Variants in C12orf76 observed in about 807,000 individuals in gnomAD.
C12orf76 encodes uncharacterized protein C12orf76.
C12orf76 carries 6 observed loss-of-function variants against 6.8 expected under a neutral mutation model. The ratio of observed to expected loss-of-function variants is 0.88; its 90% CI spans 0.48 to 1.73. The LOEUF is 1.73. C12orf76 is among the 40% of genes most tolerant of loss of function. The pLI is 0.01. For missense variants in C12orf76, 99 were observed against 98.2 expected (o/e 1.01, Z -0.03); for synonymous variants, 56 against 43.7 (o/e 1.28, Z -1.11).
At chr12:110,059,755 G>C (rs1436054022) in intron 2 of C12orf76, among the ~76,000 whole-genome samples, 1 of 152,226 alleles carries the variant, frequency 6.6e-6, no homozygotes, top group African/African-American at 2.4e-5. Context: ...TGGTCGCCAG[G>C]CTGAGAGCAC....
At chr12:110,069,325 A>G (rs1892933113), upstream of C12orf76, among the ~76,000 whole-genome samples, 1 of 152,200 alleles carries the variant, frequency 6.6e-6, no homozygotes, top group Non-Finnish European at 1.5e-5. Flanking sequence ...CTGTAGTCCC[A>G]GCTACCCGGG....
At chr12:110,063,131 G>C (rs1892801654) in intron 2 of C12orf76, among the ~76,000 whole-genome samples, 1 of 149,208 alleles carries the variant, frequency 6.7e-6, no homozygotes, top group African/African-American at 2.5e-5. Flanking sequence ...GTAGACACAG[G>C]GTTTCACCAT....
upstream of C12orf76, chr12:110,048,774 C>A (rs1892520531): frequency 4.2e-6 from 3 of 722,052 alleles, no homozygotes; most frequent in East Asian, 1.4e-4. Context: ...TTAGCGTTCC[C>A]TCATCCATTG....
chr12:110,044,968 C>T (rs188834123), intron 1 of C12orf76, among the ~76,000 whole-genome samples: 16 of 151,816 alleles, frequency 1.1e-4, no homozygotes, highest in Middle Eastern at 6.8e-3. Context: ...AGCGAAACTC[C>T]GTCTCAAAAT....
chr12:110,072,733 G>A (rs1032399924), intron 1 of C12orf76, among the ~76,000 whole-genome samples: 2 of 152,042 alleles, frequency 1.3e-5, no homozygotes, highest in Non-Finnish European at 2.9e-5. Context: ...GACCAGCCTG[G>A]CCAACATGGC....
intron 1 of C12orf76, among the ~76,000 whole-genome samples, chr12:110,042,924 G>A (rs1241853834): frequency 6.6e-6 from 1 of 151,990 alleles, no homozygotes; most frequent in Non-Finnish European, 1.5e-5. Flanking sequence ...CAGGTGTGGT[G>A]GCATCCGCCA....
At chr12:110,070,427 G>T (rs61940916), upstream of C12orf76, among the ~76,000 whole-genome samples, 1 of 151,924 alleles carries the variant, frequency 6.6e-6, no homozygotes, top group African/African-American at 2.4e-5. Flanking sequence ...TTAGCCAGGC[G>T]TCATGGCATG....
upstream of C12orf76, among the ~76,000 whole-genome samples, chr12:110,068,760 G>T (rs1468345926): frequency 6.6e-6 from 1 of 152,188 alleles, no homozygotes; most frequent in African/African-American, 2.4e-5. Context: ...TCCAGCCCCA[G>T]TAGGGACAGC....
chr12:110,062,622 G>T (rs1405680894), intron 2 of C12orf76, among the ~76,000 whole-genome samples: 1 of 142,510 alleles, frequency 7.0e-6, no homozygotes, highest in Non-Finnish European at 1.6e-5. Flanking sequence ...GAAAAAAAGA[G>T]ATTTTTTTTT....
In C12orf76 at chr12:110,048,486, G is replaced by C. The variant is rs1355999511; in HGVS notation, c.10C>G (p.Pro4Ala). The change falls in exon 1 of 2, where the codon CCA becomes GCA. Residue 4 changes from proline to alanine, a missense_variant. By Grantham distance (27) the Pro-to-Ala change is conservative. Transcript: ENST00000615315. ...CCAAGGTACAGCCACGGTAACGCTG[G>C]ACGCAGCATCTTCCCCAGCCCTGCA... MLR[P>A]ALPWLYLGLC... is the part of the protein sequence containing the mutation. 6.9e-7 allele frequency: 1 copy of C among 1,447,658 alleles called. No homozygotes were observed. 89.7% of individuals were successfully genotyped at this position (1,447,658 alleles called of 1,614,324 possible). A position where few individuals can be genotyped will look rare whatever the true frequency, so the allele number is the denominator to read the frequency against.
upstream of C12orf76, among the ~76,000 whole-genome samples, chr12:110,068,100 A>C (rs112287088): frequency 2.2e-3 from 337 of 151,970 alleles, 2 homozygotes; most frequent in African/African-American, 7.7e-3. Flanking sequence ...GCTACTCAGG[A>C]GGCTGAGGCA....
chr12:110,067,866 G>A (rs1176866845), upstream of C12orf76, among the ~76,000 whole-genome samples: 1 of 151,792 alleles, frequency 6.6e-6, no homozygotes, highest in African/African-American at 2.4e-5. Context: ...CTCCTCTGAG[G>A]TTGCTAAGAA....
intron 2 of C12orf76, among the ~76,000 whole-genome samples, chr12:110,061,730 G>T (rs1892775948): frequency 6.6e-6 from 1 of 151,562 alleles, no homozygotes; most frequent in Non-Finnish European, 1.5e-5. Context: ...TAGAGATGGG[G>T]TTTCACCATC....
intron 1 of C12orf76, among the ~76,000 whole-genome samples, chr12:110,046,322 AGGCT>A (rs1892447802): frequency 6.6e-6 from 1 of 152,220 alleles, no homozygotes; most frequent in Non-Finnish European, 1.5e-5. Context: ...GCTACTCAAG[AGGCT>A]GAGGCAGGAT....
upstream of C12orf76, among the ~76,000 whole-genome samples, chr12:110,071,415 T>C (rs1320104033): frequency 6.6e-6 from 1 of 152,054 alleles, no homozygotes; most frequent in Non-Finnish European, 1.5e-5. Flanking sequence ...CAAATATATA[T>C]ATATAATACA....
chr12:110,069,440 AAAACAAAC>A (rs1210525662), upstream of C12orf76, among the ~76,000 whole-genome samples: 1 of 152,218 alleles, frequency 6.6e-6, no homozygotes, highest in Non-Finnish European at 1.5e-5. Context: ...ACTCCGTCTC[AAAACAAAC>A]AAACAAACAA....
At chr12:110,070,613 A>G (rs537629622), upstream of C12orf76, among the ~76,000 whole-genome samples, 22 of 152,320 alleles carry the variant, frequency 1.4e-4, 1 homozygote, top group South Asian at 4.6e-3. Context: ...TGCTGGGCCC[A>G]GGAATGTCAG....
chr12:110,061,570 T>A (rs1892772936), intron 2 of C12orf76, among the ~76,000 whole-genome samples: 1 of 151,022 alleles, frequency 6.6e-6, no homozygotes, highest in African/African-American at 2.4e-5. Context: ...GGAGTCTTAC[T>A]CTGTCACCCA....
At chr12:110,073,566 C>T (rs1388460429) in exon 1 of C12orf76, 8 of 499,232 alleles carry the variant, frequency 1.6e-5, no homozygotes, top group South Asian at 3.0e-5. Flanking sequence ...CCTTCCTGCG[C>T]GGGGCTGGAC....
Sources: allele counts gnomAD v4.1 joint callset (sites outside exome capture counted in the v4.1 genomes callset), GRCh38; gene constraint gnomAD v4.1.1; transcripts MANE v1.5; gene names NCBI Gene and HGNC (gene_info 2026-07-23, HGNC 2026-07-21).